Variants in BTBD9 observed in about 807,000 individuals in gnomAD.
BTBD9 encodes the protein BTB/POZ domain-containing protein 9.
BTBD9 carries 49 observed loss-of-function variants against 64.3 expected under a neutral mutation model. The ratio of observed to expected loss-of-function variants is 0.76; its 90% CI spans 0.61 to 0.97. The LOEUF (loss-of-function observed/expected upper bound fraction) is 0.97. BTBD9 is among the 50% of genes least tolerant of loss of function. The pLI, the probability that BTBD9 is intolerant of heterozygous loss-of-function variation, is 0.00. For synonymous variants in BTBD9, 260 were observed against 274.7 expected (o/e 0.95, Z 0.53); for missense variants, 598 against 762.1 (o/e 0.78, Z 2.53).
At chr6:38,491,673 A>G (rs1333316569) in intron 6 of BTBD9, among the ~76,000 whole-genome samples, 1 of 152,148 alleles carries the variant, frequency 6.6e-6, no homozygotes, top group Non-Finnish European at 1.5e-5. Flanking sequence ...CTATTATCAC[A>G]CACCAATAAA....
intron 7 of BTBD9, among the ~76,000 whole-genome samples, chr6:38,331,205 C>T (rs983351600): frequency 2.6e-5 from 4 of 152,182 alleles, no homozygotes; most frequent in African/African-American, 7.2e-5. Flanking sequence ...ACAGGCCAGG[C>T]GTGGTGGCTT....
At chr6:38,422,917 T>C (rs1767971603) in intron 6 of BTBD9, among the ~76,000 whole-genome samples, 3 of 152,092 alleles carry the variant, frequency 2.0e-5, no homozygotes, top group Non-Finnish European at 4.4e-5. Flanking sequence ...CTGGTCAACA[T>C]AGTGACCAGG....
intron 6 of BTBD9, among the ~76,000 whole-genome samples, chr6:38,520,613 T>A (rs904707082): frequency 3.9e-5 from 6 of 152,032 alleles, no homozygotes; most frequent in Non-Finnish European, 8.8e-5. Flanking sequence ...AGGAAGTTAG[T>A]TTTAAAAAAT....
At chr6:38,559,693 G>C (rs1233783096) in intron 6 of BTBD9, among the ~76,000 whole-genome samples, 1 of 152,134 alleles carries the variant, frequency 6.6e-6, no homozygotes, top group Non-Finnish European at 1.5e-5. Context: ...TAAGGTTACA[G>C]TAATGAAAAC....
At chr6:38,548,425 G>A (rs547458239) in intron 6 of BTBD9, among the ~76,000 whole-genome samples, 5 of 151,940 alleles carry the variant, frequency 3.3e-5, no homozygotes, top group African/African-American at 4.8e-5. Context: ...TTCTCTTTTC[G>A]GGCTAGAGTT....
chr6:38,622,625 T>A (rs762829189), intron 1 of BTBD9, among the ~76,000 whole-genome samples: 1 of 152,158 alleles, frequency 6.6e-6, no homozygotes, highest in East Asian at 1.9e-4. Context: ...ACACAAGCAA[T>A]GAAAAGCCTA....
chr6:38,208,355 T>C (rs1762724490), intron 9 of BTBD9, among the ~76,000 whole-genome samples: 1 of 152,184 alleles, frequency 6.6e-6, no homozygotes, highest in South Asian at 2.1e-4. Context: ...GCTGCTCTTA[T>C]TGTCTGGCGC....
At chr6:38,532,844 C>T (rs1340138814) in intron 6 of BTBD9, among the ~76,000 whole-genome samples, 1 of 151,690 alleles carries the variant, frequency 6.6e-6, no homozygotes, top group Non-Finnish European at 1.5e-5. Context: ...GTGGTGGCTA[C>T]AGGGAGAGAC....
chr6:38,276,597 A>T (rs4626419), intron 8 of BTBD9, among the ~76,000 whole-genome samples: 52,062 of 152,038 alleles, frequency 0.34, 9,616 homozygotes, highest in Non-Finnish European at 0.42. Context: ...TATTGCTATA[A>T]TTACCCTCCC....
intron 9 of BTBD9, among the ~76,000 whole-genome samples, chr6:38,240,459 G>T (rs1763956247): frequency 6.6e-6 from 1 of 152,180 alleles, no homozygotes; most frequent in African/African-American, 2.4e-5. Flanking sequence ...AGACTTTTGA[G>T]TTAACATAAG....
chr6:38,384,223 T>G (rs567366005), intron 6 of BTBD9, among the ~76,000 whole-genome samples: 1 of 152,224 alleles, frequency 6.6e-6, no homozygotes, highest in Non-Finnish European at 1.5e-5. Context: ...CTTGTGATAC[T>G]GTGAATTAGG....
At chr6:38,340,862 T>A (rs1764070931) in intron 7 of BTBD9, among the ~76,000 whole-genome samples, 1 of 152,218 alleles carries the variant, frequency 6.6e-6, no homozygotes, top group African/African-American at 2.4e-5. Flanking sequence ...TCTCTGCTTC[T>A]GGATAGATAC....
At position 38,576,796 on chromosome 6, in the gene BTBD9, A is replaced by C. The variant is rs147757710; in HGVS notation, c.1154+804T>G. ...ATATCTAAAGGCAATTTCCAGTGAG[A>C]AAACACAGCAGAAAAAAGCAACAAA... On this transcript the variant is annotated intron_variant, in intron 6 of 10. Transcript: ENST00000481247. Among the ~76,000 whole-genome samples, 327 of 152,324 alleles carry C rather than the reference A, an allele frequency of 2.1e-3. 2 individuals are homozygous for C. Among genetic ancestry groups the C allele is most frequent in the African/African-American group, 7.5e-3 (313 of 41,584 alleles).
intron 6 of BTBD9, among the ~76,000 whole-genome samples, chr6:38,361,701 G>C (rs1415273272): frequency 6.6e-6 from 1 of 152,034 alleles, no homozygotes; most frequent in Non-Finnish European, 1.5e-5. Context: ...TTAGGCAGGC[G>C]TGGTGGTGCA....
At chr6:38,510,293 G>A (rs1324860541) in intron 6 of BTBD9, among the ~76,000 whole-genome samples, 1 of 152,230 alleles carries the variant, frequency 6.6e-6, no homozygotes, top group African/African-American at 2.4e-5. Context: ...CTGAACTGAA[G>A]ACTGTAGGTA....
At chr6:38,478,919 T>G (rs1400573985) in intron 6 of BTBD9, among the ~76,000 whole-genome samples, 1 of 152,226 alleles carries the variant, frequency 6.6e-6, no homozygotes, top group Non-Finnish European at 1.5e-5. Flanking sequence ...AGCTACAATC[T>G]GTGTTCTCTT....
intron 6 of BTBD9, among the ~76,000 whole-genome samples, chr6:38,482,873 G>T (rs1196194389): frequency 1.3e-5 from 2 of 152,006 alleles, no homozygotes; most frequent in Non-Finnish European, 2.9e-5. Flanking sequence ...TTCCATTTTT[G>T]CCTCTTTCAA....
At chr6:38,610,645 G>C (rs1241927491) in intron 1 of BTBD9, among the ~76,000 whole-genome samples, 1 of 152,118 alleles carries the variant, frequency 6.6e-6, no homozygotes, top group African/African-American at 2.4e-5. Context: ...GTTAAGATCT[G>C]GGCAGATCAT....
chr6:38,462,654 T>A (rs1770155030), intron 6 of BTBD9, among the ~76,000 whole-genome samples: 1 of 152,262 alleles, frequency 6.6e-6, no homozygotes, highest in South Asian at 2.1e-4. Flanking sequence ...AATAAGCTTG[T>A]CATTTTCTTC....
Sources: gnomAD v4.1 joint callset for allele counts (sites outside exome capture counted in the v4.1 genomes callset) on GRCh38, gnomAD v4.1.1 for gene constraint, MANE v1.5 for transcripts, NCBI Gene and HGNC (gene_info 2026-07-23, HGNC 2026-07-21) for gene names.